AFAP1: variants seen among roughly 807,000 people sequenced by gnomAD.
The protein encoded by AFAP1 is actin filament-associated protein 1.
Under a neutral mutation model 93.9 loss-of-function variants are expected in AFAP1, and 75 were observed. That is an observed-to-expected ratio of 0.80 (90% CI 0.66 to 0.97). The LOEUF (loss-of-function observed/expected upper bound fraction) is 0.97, where lower values mean the gene tolerates loss of function less well. AFAP1 is among the 50% of genes least tolerant of loss of function. The pLI, the probability that AFAP1 is intolerant of heterozygous loss-of-function variation, is 0.00. For synonymous variants in AFAP1, 517 were observed against 430.7 expected (o/e 1.20, Z -2.48); for missense variants, 1,201 against 1,050.8 (o/e 1.14, Z -1.98).
intron 5 of AFAP1, among the ~76,000 whole-genome samples, chr4:7,840,265 T>TGTGTGTGTGTGTGC (rs559090769): frequency 0.33 from 23,370 of 69,900 alleles, 1,989 homozygotes; most frequent in Middle Eastern, 0.39. Context: ...TTTTGGGATG[T>TGTGTGTGTGTGTGC]GTGTGTGTGT....
At chr4:7,770,251 G>A (rs138985752) in intron 16 of AFAP1, among the ~76,000 whole-genome samples, 1 of 152,314 alleles carries the variant, frequency 6.6e-6, no homozygotes, top group African/African-American at 2.4e-5. Flanking sequence ...TGGCAAGGCA[G>A]GAGCTGGAGA....
intron 4 of AFAP1, 100 bp downstream of exon 4, chr4:7,855,366 T>G: frequency 1.1e-6 from 1 of 935,202 alleles, no homozygotes; most frequent in Non-Finnish European, 1.6e-6. Context: ...CACAGTGTTT[T>G]ATAATACCCT....
At chr4:7,824,530 C>T (rs1349073371) in intron 6 of AFAP1, among the ~76,000 whole-genome samples, 1 of 152,108 alleles carries the variant, frequency 6.6e-6, no homozygotes, top group Non-Finnish European at 1.5e-5. Flanking sequence ...AATTCTTGCA[C>T]GAGTATGTGC....
chr4:7,761,993 A>AGAAAGGCT lies in AFAP1; in HGVS notation c.*1764_*1771dup, dbSNP rs1481868598. 6.6e-6 allele frequency: 1 copy of AGAAAGGCT among 152,270 alleles called. No individual in the cohort carries two copies. The highest frequency in any genetic ancestry group is 1.5e-5 in the Non-Finnish European group (1 of 68,054). The allele number at this position is 152,270 out of a possible 1,614,324, so 9.4% of individuals were successfully genotyped here. ...GGGAGGAACGTGCATCAGAGGGGAA[A>AGAAAGGCT]GAAAGGCTGGCTGATGGCTCAGGAA... On this transcript the variant is annotated 3_prime_UTR_variant, in exon 18 of 18. Transcript: ENST00000420658.
chr4:7,938,728 T>C (rs796491589), intron 1 of AFAP1, among the ~76,000 whole-genome samples: 5 of 151,894 alleles, frequency 3.3e-5, no homozygotes, highest in African/African-American at 1.2e-4. Context: ...CAATCTGGCT[T>C]TCCAGATTTT....
At chr4:7,857,070 C>T (rs530728975) in intron 3 of AFAP1, among the ~76,000 whole-genome samples, 1 of 152,290 alleles carries the variant, frequency 6.6e-6, no homozygotes, top group East Asian at 1.9e-4. Flanking sequence ...TTCTCTCTCC[C>T]CTTTTTCCTA....
intron 1 of AFAP1, among the ~76,000 whole-genome samples, chr4:7,929,497 C>T (rs1379482178): frequency 6.6e-6 from 1 of 152,220 alleles, no homozygotes; most frequent in Non-Finnish European, 1.5e-5. Context: ...CTCAGCTGCT[C>T]GGTTCCACTG....
intron 2 of AFAP1, among the ~76,000 whole-genome samples, chr4:7,870,402 A>G (rs1716917228): frequency 6.6e-6 from 1 of 152,206 alleles, no homozygotes; most frequent in Non-Finnish European, 1.5e-5. Context: ...GTTCATGCCT[A>G]TAATGTCAGC....
At chr4:7,919,407 G>A (rs1653570965) in intron 1 of AFAP1, among the ~76,000 whole-genome samples, 1 of 152,182 alleles carries the variant, frequency 6.6e-6, no homozygotes, top group South Asian at 2.1e-4. Flanking sequence ...TTTTTGTGGT[G>A]TGTGATGTGT....
At chr4:7,858,798 C>T (rs1715357476) in intron 3 of AFAP1, among the ~76,000 whole-genome samples, 1 of 152,184 alleles carries the variant, frequency 6.6e-6, no homozygotes, top group South Asian at 2.1e-4. Context: ...ATCAGAACAA[C>T]CTTCAGTGCC....
chr4:7,894,657 CTTCTATACA>C (rs1226626623), intron 1 of AFAP1, among the ~76,000 whole-genome samples: 2 of 152,186 alleles, frequency 1.3e-5, no homozygotes, highest in African/African-American at 4.8e-5. Context: ...GTGTTGGCTC[CTTCTATACA>C]CCCACTTCAC....
chr4:7,770,681 T>A (rs1446382807), intron 16 of AFAP1, among the ~76,000 whole-genome samples: 1 of 152,026 alleles, frequency 6.6e-6, no homozygotes, highest in Non-Finnish European at 1.5e-5. Context: ...CTCCCAGGTG[T>A]CTGGAGGTCA....
chr4:7,939,561 C>T lies in AFAP1; in HGVS notation c.-3+95G>A, dbSNP rs1403548367. 2.6e-6 allele frequency: 1 copy of T among 385,902 alleles called. No homozygotes were observed. The highest frequency in any genetic ancestry group is 5.1e-6 in the Non-Finnish European group (1 of 197,546). The allele number at this position is 385,902 out of a possible 1,614,324, so 23.9% of individuals were successfully genotyped here. ...CCGAGACAAAGCCCAGGCGCACGGA[C>T]CCCGGACCCTGCGGAGCCCCGCTCG... On this transcript the variant is annotated intron_variant, in intron 1 of 17. Transcript: ENST00000420658. This position sits in a 1 kb window ranked among gnomAD's most constrained non-coding sequence, Gnocchi z 5.6.
In AFAP1 at chr4:7,772,921, G is replaced by GCTCCAGGCTGACACGCTCCGC; in HGVS notation, c.2131_2151dup (p.Ala711_Glu717dup). ...CTCTCCTTGACCTCCGTCAGCTCCA[G>GCTCCAGGCTGACACGCTCCGC]CTCCAGGCTGACACGCTCCGCCTCC... On this transcript the variant is annotated inframe_insertion, in exon 16 of 18. Coordinates refer to ENST00000420658, the MANE Select transcript of AFAP1 (RefSeq NM_001134647.2). The GCTCCAGGCTGACACGCTCCGC allele has an allele frequency of 6.2e-7, 1 of 1,614,072 alleles. No individual in the cohort carries two copies. The highest frequency in any genetic ancestry group is 1.3e-5 in the African/African-American group (1 of 75,048).
intron 1 of AFAP1, among the ~76,000 whole-genome samples, chr4:7,915,550 A>T (rs1323668395): frequency 6.6e-6 from 1 of 152,220 alleles, no homozygotes; most frequent in Non-Finnish European, 1.5e-5. Flanking sequence ...CCAAAAGTTA[A>T]GAGCCCATTT....
chr4:7,903,882 C>G (rs1246467486), intron 1 of AFAP1, among the ~76,000 whole-genome samples: 1 of 151,258 alleles, frequency 6.6e-6, no homozygotes. Context: ...TTTCAGATGT[C>G]TGACAGCCAT....
At chr4:7,814,812 G>A (rs1449096687) in intron 8 of AFAP1, among the ~76,000 whole-genome samples, 1 of 151,866 alleles carries the variant, frequency 6.6e-6, no homozygotes, top group African/African-American at 2.4e-5. Context: ...CGTGCTCCGT[G>A]TCTTGATTGT....
At chr4:7,895,616 A>AAAT (rs34110004) in intron 1 of AFAP1, among the ~76,000 whole-genome samples, 19,172 of 152,134 alleles carry the variant, frequency 0.13, 1,395 homozygotes, top group Non-Finnish European at 0.17. Flanking sequence ...GAGTTTTTTA[A>AAAT]AATAATGTCT....
intron 1 of AFAP1, among the ~76,000 whole-genome samples, chr4:7,906,607 C>T (rs2149221825): frequency 6.6e-6 from 1 of 152,302 alleles, no homozygotes; most frequent in Admixed American, 6.5e-5. Context: ...AGCCAACTGA[C>T]ATAAAATACT....
Sources: gnomAD v4.1 joint callset for allele counts (sites outside exome capture counted in the v4.1 genomes callset) on GRCh38, gnomAD v4.1.1 for gene constraint, Gnocchi (gnomAD v3.1) non-coding constraint, MANE v1.5 for transcripts, NCBI Gene and HGNC (gene_info 2026-07-23, HGNC 2026-07-21) for gene names.